The following NR6A1 variants were observed in gnomAD, a reference collection of about 807,000 sequenced individuals.
NR6A1 encodes nuclear receptor subfamily 6 group A member 1.
In NR6A1, 7 loss-of-function variants were observed where a neutral mutation model predicts 59.1. The observed-to-expected ratio is 0.12, with a 90% confidence interval of 0.07 to 0.22. NR6A1 has a LOEUF of 0.22. Ranked by LOEUF, NR6A1 falls within the 10% of genes least tolerant of loss-of-function variation. The pLI is 1.00. For synonymous variants in NR6A1, 243 were observed against 236.1 expected (o/e 1.03, Z -0.27); for missense variants, 468 against 611.6 (o/e 0.77, Z 2.48).
intron 3 of NR6A1, among the ~76,000 whole-genome samples, chr9:124,553,549 C>CTTTTTTTTTTAT (rs1833840485): frequency 4.2e-5 from 2 of 47,324 alleles, no homozygotes; most frequent in Non-Finnish European, 4.0e-5. Flanking sequence ...TTTAGCTTGA[C>CTTTTTTTTTTAT]TTTTTTTTTT....
chr9:124,536,161 T>C (rs778212996), intron 6 of NR6A1, 29 bp from the exon 7 acceptor site: 1 of 1,601,956 alleles, frequency 6.2e-7, no homozygotes, highest in East Asian at 2.2e-5. Context: ...GGAAAGTCAC[T>C]TCCATTGGTC....
At chr9:124,746,418 A>T (rs908021132) in intron 1 of NR6A1, among the ~76,000 whole-genome samples, 6 of 152,062 alleles carry the variant, frequency 3.9e-5, no homozygotes, top group African/African-American at 1.4e-4. Context: ...GTGAAACCCC[A>T]TCTCTACTAA....
intron 2 of NR6A1, chr9:124,693,896 C>T (rs920574556): frequency 9.3e-5 from 39 of 420,052 alleles, no homozygotes; most frequent in Admixed American, 2.4e-4. Flanking sequence ...CTAGCTAAAG[C>T]TTTTCTTGTT....
In NR6A1 at chr9:124,648,673, A is replaced by G. The variant is rs548875802; in HGVS notation, c.142+84635T>C. 6.0e-4 allele frequency among the ~76,000 whole-genome samples: 91 copies of G among 152,178 alleles called. 1 individual carries two copies. The South Asian group carries it at 0.018, about 30-fold the overall frequency. ...AGTCAAACTGTCCTTGTTTGCAGAC[A>G]TGATCTTTTATTTGGAAAACCTAAA... On this transcript the variant is annotated intron_variant, in intron 2 of 9. Transcript: ENST00000487099.
At position 124,767,482 on chromosome 9, in the gene NR6A1, G is replaced by A. The variant is rs1840968267; in HGVS notation, c.100+3538C>T. On this transcript the variant is annotated intron_variant, in intron 1 of 9. Transcript: ENST00000487099. The stretch of plus-strand genomic sequence containing the variant: ...CTGTCGCCTTTCTTCTACCCTAGCC[G>A]TCTTTGGAGGTCACAGAAGCTACAA... Among the ~76,000 whole-genome samples, 3 of 147,728 alleles carry A rather than the reference G, an allele frequency of 2.0e-5. No homozygotes were observed. The South Asian group carries it at 6.4e-4, about 31-fold the overall frequency.
chr9:124,528,371 A>G (rs1367877052), intron 7 of NR6A1, among the ~76,000 whole-genome samples: 2 of 152,148 alleles, frequency 1.3e-5, no homozygotes, highest in Non-Finnish European at 2.9e-5. Flanking sequence ...TTTTTTTACA[A>G]AACAATACAA....
At chr9:124,752,389 T>A (rs1029149175) in intron 1 of NR6A1, among the ~76,000 whole-genome samples, 4 of 152,308 alleles carry the variant, frequency 2.6e-5, no homozygotes, top group Admixed American at 6.5e-5. Flanking sequence ...ATAAAATTTT[T>A]AAAAATCAAA....
intron 7 of NR6A1, among the ~76,000 whole-genome samples, chr9:124,534,701 C>T (rs1833203532): frequency 6.6e-6 from 1 of 152,210 alleles, no homozygotes; most frequent in Admixed American, 6.5e-5. Context: ...GGCATATGCT[C>T]AAATCTAAGG....
At chr9:124,769,881 T>C (rs1345415566) in intron 1 of NR6A1, among the ~76,000 whole-genome samples, 1 of 152,224 alleles carries the variant, frequency 6.6e-6, no homozygotes, top group Non-Finnish European at 1.5e-5. Context: ...AGTTCACCTT[T>C]TACGACCTCA....
intron 1 of NR6A1, among the ~76,000 whole-genome samples, chr9:124,746,443 G>C (rs1198834129): frequency 6.6e-6 from 1 of 152,104 alleles, no homozygotes; most frequent in African/African-American, 2.4e-5. Context: ...ACAAAACTTA[G>C]CTGGGCATGG....
chr9:124,731,815 GATT>G (rs1839891829), intron 2 of NR6A1, among the ~76,000 whole-genome samples: 1 of 152,060 alleles, frequency 6.6e-6, no homozygotes, highest in South Asian at 2.1e-4. Flanking sequence ...TTAATCTACT[GATT>G]ATGTTATCGG....
chr9:124,659,518 G>A (rs1168408447), intron 2 of NR6A1, among the ~76,000 whole-genome samples: 6 of 152,184 alleles, frequency 3.9e-5, no homozygotes, highest in Non-Finnish European at 8.8e-5. Context: ...TGCAGAGGGT[G>A]TGGAAATTTT....
intron 2 of NR6A1, among the ~76,000 whole-genome samples, chr9:124,701,435 GTA>G (rs1168227855): frequency 2.6e-5 from 4 of 152,090 alleles, no homozygotes; most frequent in Admixed American, 2.0e-4. Context: ...AATCACTTAA[GTA>G]TATAATTCAA....
chr9:124,541,296 A>C lies in NR6A1; in HGVS notation c.442-1109T>G, dbSNP rs184590808. 1.3e-3 allele frequency among the ~76,000 whole-genome samples: 200 copies of C among 152,334 alleles called. 2 individuals carry two copies. Among genetic ancestry groups the C allele is most frequent in the African/African-American group, 4.3e-3 (179 of 41,588 alleles). ...CTCAGGAACAGAAAAAAAACAAAAC[A>C]AAACCCACTGAAAAATGAACAAGAA... On this transcript the variant is annotated intron_variant, in intron 4 of 9. Transcript: ENST00000487099.
At chr9:124,720,803 T>C (rs1839542178) in intron 2 of NR6A1, among the ~76,000 whole-genome samples, 1 of 152,152 alleles carries the variant, frequency 6.6e-6, no homozygotes, top group Non-Finnish European at 1.5e-5. Context: ...TTTGTAAAAC[T>C]ATGTACAACT....
intron 2 of NR6A1, among the ~76,000 whole-genome samples, chr9:124,559,738 C>A (rs1326951457): frequency 6.6e-6 from 1 of 152,104 alleles, no homozygotes; most frequent in Non-Finnish European, 1.5e-5. Flanking sequence ...GATTGCGCCA[C>A]TGAACTCCAG....
intron 2 of NR6A1, among the ~76,000 whole-genome samples, chr9:124,605,485 T>G (rs1229096867): frequency 6.6e-6 from 1 of 152,166 alleles, no homozygotes; most frequent in East Asian, 1.9e-4. Context: ...CCACTCCAGC[T>G]TGGGTGACAG....
At chr9:124,770,041 C>G (rs894177614) in intron 1 of NR6A1, 1 of 152,352 alleles carries the variant, frequency 6.6e-6, no homozygotes, top group Admixed American at 6.5e-5. Context: ...GGACCCGGCC[C>G]GGGCGAGGGG....
chr9:124,733,163 C>T (rs1419059561), intron 2 of NR6A1, 145 bp downstream of exon 2: 1 of 666,790 alleles, frequency 1.5e-6, no homozygotes, highest in Non-Finnish European at 2.7e-6. Context: ...ACAGAGTGCC[C>T]TTCCTATAAT....
Sources: allele counts gnomAD v4.1 joint callset (sites outside exome capture counted in the v4.1 genomes callset), GRCh38; gene constraint gnomAD v4.1.1; transcripts MANE v1.5; gene names NCBI Gene and HGNC (gene_info 2026-07-23, HGNC 2026-07-21).